The following CCNJL variants were observed in gnomAD, a reference collection of about 807,000 sequenced individuals.
The protein encoded by CCNJL is cyclin-J-like protein.
In CCNJL, 33 loss-of-function variants were observed where a neutral mutation model predicts 33.4. That is an observed-to-expected ratio of 0.99 (90% CI 0.75 to 1.32). CCNJL has a LOEUF of 1.32. CCNJL is among the 40% of genes most tolerant of loss of function. CCNJL has a pLI of 0.00. For missense variants in CCNJL, 512 were observed against 499.7 expected (o/e 1.02, Z -0.23); for synonymous variants, 227 against 220.9 (o/e 1.03, Z -0.24).
At chr5:160,294,938 T>C (rs1017035989) in intron 2 of CCNJL, 12 of 152,384 alleles carry the variant, frequency 7.9e-5, no homozygotes, top group African/African-American at 2.4e-4. Context: ...AGATTCCTTT[T>C]GTGGATTCTC....
chr5:160,310,231 A>G (rs1763219340), intron 2 of CCNJL, among the ~76,000 whole-genome samples: 2 of 152,164 alleles, frequency 1.3e-5, no homozygotes, highest in Admixed American at 6.5e-5. Context: ...AAGGGCCAGG[A>G]CCATACCCCT....
At chr5:160,322,481 A>C (rs73819810) in intron 1 of CCNJL, among the ~76,000 whole-genome samples, 4,348 of 152,330 alleles carry the variant, frequency 0.029, 196 homozygotes, top group African/African-American at 0.098. Context: ...CTGGTATATA[A>C]AGGGTGTTGA....
At position 160,259,580 on chromosome 5, in the gene CCNJL, A is replaced by C. The variant is rs1239624061; in HGVS notation, c.472T>G (p.Ser158Ala). 6.2e-7 allele frequency: 1 copy of C among 1,614,142 alleles called. No homozygotes were observed. The highest frequency in any genetic ancestry group is 8.5e-7 in the Non-Finnish European group (1 of 1,180,032). Residue 158 changes from serine to alanine, a missense_variant, in exon 4 of 6, where the codon TCC (serine) becomes GCC (alanine). Physicochemically the swap from Ser to Ala is moderately conservative, Grantham distance 99. Transcript: ENST00000257536. Reference protein sequence around the residue: ...AHFLDYYLLASVSQKDHHCHT... With the variant: ...AHFLDYYLLAAVSQKDHHCHT... Reference sequence around the variant, plus strand: ...CAGTGGTGGTCCTTCTGGCTGACGGAGGCCAAGAGGTAGTAGTCCAGGAAG... The same window carrying C: ...CAGTGGTGGTCCTTCTGGCTGACGGCGGCCAAGAGGTAGTAGTCCAGGAAG...
chr5:160,339,564 C>T (rs930106444), exon 1 of CCNJL: 5 of 441,382 alleles, frequency 1.1e-5, no homozygotes, highest in Non-Finnish European at 2.3e-5. Flanking sequence ...TCCATTAGTG[C>T]TGACACAGAA....
chr5:160,316,127 C>G (rs1192039015), upstream of CCNJL, among the ~76,000 whole-genome samples: 1 of 152,092 alleles, frequency 6.6e-6, no homozygotes, highest in Non-Finnish European at 1.5e-5. Context: ...ATACATTGCA[C>G]CAATAAACAG....
chr5:160,338,268 C>T (rs1210462944), intron 1 of CCNJL, among the ~76,000 whole-genome samples: 3 of 152,106 alleles, frequency 2.0e-5, no homozygotes, highest in African/African-American at 7.2e-5. Flanking sequence ...GGTGTGGTGG[C>T]ATGGGCCTGT....
chr5:160,276,785 C>CT (rs900068669), intron 3 of CCNJL, among the ~76,000 whole-genome samples: 17 of 151,606 alleles, frequency 1.1e-4, no homozygotes, highest in Non-Finnish European at 1.8e-4. Flanking sequence ...TTTTATCTCT[C>CT]TTTTTTTTTC....
At chr5:160,326,338 G>A (rs958395487) in intron 1 of CCNJL, among the ~76,000 whole-genome samples, 5 of 151,912 alleles carry the variant, frequency 3.3e-5, no homozygotes, top group Non-Finnish European at 7.4e-5. Flanking sequence ...AGCCAGGCAT[G>A]GTGGCACGCA....
At chr5:160,258,585 G>C in intron 4 of CCNJL, 1 of 1,448,064 alleles carries the variant, frequency 6.9e-7, no homozygotes, top group Non-Finnish European at 9.7e-7. Context: ...GGGCAAAGAG[G>C]TAATCATGTA....
chr5:160,309,349 T>A (rs1043590906), intron 2 of CCNJL, among the ~76,000 whole-genome samples: 1 of 152,168 alleles, frequency 6.6e-6, no homozygotes, highest in Non-Finnish European at 1.5e-5. Flanking sequence ...AAACTGGGGC[T>A]CCCAACGTCT....
intron 4 of CCNJL, chr5:160,258,602 G>A (rs1761177606): frequency 7.6e-7 from 1 of 1,323,266 alleles, no homozygotes; most frequent in Non-Finnish European, 1.1e-6. Context: ...TGTAGTTGAA[G>A]TCTGTGGATG....
At chr5:160,257,848 A>AT (rs759060228) in intron 4 of CCNJL, among the ~76,000 whole-genome samples, 2,349 of 141,138 alleles carry the variant, frequency 0.017, 45 homozygotes, top group African/African-American at 0.054. Flanking sequence ...ACAATCACTG[A>AT]TTTTTTTTTT....
intron 3 of CCNJL, among the ~76,000 whole-genome samples, chr5:160,263,943 C>CTT (rs1156940851): frequency 4.4e-4 from 60 of 136,596 alleles, no homozygotes; most frequent in South Asian, 1.9e-3. Flanking sequence ...CTATCAACCT[C>CTT]TTTTTTTTTT....
chr5:160,277,236 C>T (rs1469026539), intron 3 of CCNJL, among the ~76,000 whole-genome samples: 4 of 152,226 alleles, frequency 2.6e-5, no homozygotes, highest in East Asian at 1.9e-4. Flanking sequence ...ATAGGCTGGT[C>T]GTGAGGATCC....
upstream of CCNJL, among the ~76,000 whole-genome samples, chr5:160,315,180 A>G: frequency 6.6e-6 from 1 of 152,326 alleles, no homozygotes; most frequent in Middle Eastern, 3.4e-3. Flanking sequence ...TTATTAAATA[A>G]AAAGGATAAA....
intron 2 of CCNJL, among the ~76,000 whole-genome samples, chr5:160,295,645 CAAG>C (rs1374137223): frequency 6.6e-6 from 1 of 152,072 alleles, no homozygotes; most frequent in Non-Finnish European, 1.5e-5. Context: ...TGAGGACAGA[CAAG>C]GAGGAGAAGG....
chr5:160,285,314 G>A (rs1332327069), intron 2 of CCNJL, among the ~76,000 whole-genome samples: 1 of 152,174 alleles, frequency 6.6e-6, no homozygotes, highest in East Asian at 1.9e-4. Flanking sequence ...AGCCACCATG[G>A]AGTTCAAACT....
chr5:160,302,970 T>C (rs1762970870), intron 2 of CCNJL, among the ~76,000 whole-genome samples: 1 of 152,222 alleles, frequency 6.6e-6, no homozygotes, highest in South Asian at 2.1e-4. Flanking sequence ...CAGTGGTATC[T>C]TCTGCGGAGG....
chr5:160,291,788 G>A (rs1478649939), intron 2 of CCNJL, among the ~76,000 whole-genome samples: 1 of 152,232 alleles, frequency 6.6e-6, no homozygotes, highest in Non-Finnish European at 1.5e-5. Context: ...GCCTAGGAGA[G>A]GCTTACAAAA....
Sources: allele counts gnomAD v4.1 joint callset (sites outside exome capture counted in the v4.1 genomes callset), GRCh38; gene constraint gnomAD v4.1.1; transcripts MANE v1.5; gene names NCBI Gene and HGNC (gene_info 2026-07-23, HGNC 2026-07-21).